The following RELN variants were observed in gnomAD, a reference collection of about 807,000 sequenced individuals.
The protein encoded by RELN is reelin.
In RELN, 108 loss-of-function variants were observed where a neutral mutation model predicts 427.6. The observed-to-expected ratio is 0.25, with a 90% confidence interval of 0.22 to 0.30. The LOEUF (loss-of-function observed/expected upper bound fraction) is 0.30, where lower values mean the gene tolerates loss of function less well. Ranked by LOEUF, RELN falls within the 10% of genes least tolerant of loss-of-function variation. RELN has a pLI of 1.00. For missense variants in RELN, 3,715 were observed against 4,302.8 expected (o/e 0.86, Z 3.82); for synonymous variants, 1,524 against 1,513.4 (o/e 1.01, Z -0.16).
intron 49 of RELN, among the ~76,000 whole-genome samples, chr7:103,516,824 T>C (rs1404406452): frequency 6.6e-6 from 1 of 152,116 alleles, no homozygotes; most frequent in African/African-American, 2.4e-5. Context: ...TTATTTTTCC[T>C]TCCTTTTTTT....
intron 8 of RELN, among the ~76,000 whole-genome samples, chr7:103,711,465 T>G (rs1789795624): frequency 6.6e-6 from 1 of 152,180 alleles, no homozygotes; most frequent in Non-Finnish European, 1.5e-5. Flanking sequence ...TCCACTTTGC[T>G]TAGCACGGCA....
At position 103,765,867 on chromosome 7, in the gene RELN, G is replaced by T. The variant is rs557475088; in HGVS notation, c.544+10690C>A. Among the ~76,000 whole-genome samples the T allele has an allele frequency of 3.8e-3, 584 of 152,274 alleles. 6 individuals are homozygous for T. The highest frequency in any genetic ancestry group is 0.013 in the African/African-American group (524 of 41,540). On this transcript the variant is annotated intron_variant, in intron 4 of 64. Coordinates refer to ENST00000428762, the MANE Select transcript of RELN (RefSeq NM_005045.4). ...GGGAATGTATATAGCCCTCAGCACT[G>T]AAAAAGAAGGCTGTTTAAATCTATG...
chr7:103,650,716 C>G (rs1037729222), intron 15 of RELN, among the ~76,000 whole-genome samples: 1 of 152,088 alleles, frequency 6.6e-6, no homozygotes, highest in South Asian at 2.1e-4. Flanking sequence ...GCCTCAAAAT[C>G]CTGGGCTCAA....
At chr7:103,630,351 C>T (rs1205734038) in intron 19 of RELN, among the ~76,000 whole-genome samples, 175 bp from the exon 20 acceptor site, 1 of 152,122 alleles carries the variant, frequency 6.6e-6, no homozygotes, top group Non-Finnish European at 1.5e-5. Context: ...GTCTTCCACA[C>T]ACACCCCAAA....
chr7:103,595,040 T>G (rs1210537132), intron 25 of RELN, among the ~76,000 whole-genome samples: 1 of 152,182 alleles, frequency 6.6e-6, no homozygotes, highest in South Asian at 2.1e-4. Context: ...ATTTTAAAAC[T>G]TAACATTACA....
At chr7:103,658,134 A>G (rs574641842) in intron 12 of RELN, among the ~76,000 whole-genome samples, 1 of 152,270 alleles carries the variant, frequency 6.6e-6, no homozygotes, top group East Asian at 1.9e-4. Context: ...TCTGGTTCTA[A>G]GAACAGTGCT....
chr7:103,551,094 A>G lies in RELN; in HGVS notation c.6275T>C (p.Val2092Ala). Residue 2092 changes from valine (V) to alanine (A), a missense_variant, in exon 41 of 65, where the codon GTG becomes GCG. Coordinates refer to ENST00000428762, the MANE Select transcript of RELN (RefSeq NM_005045.4). ...ACAAAGGTGCAGCTTCCCAAAGTGC[A>G]CGACCTCCCTCCTCCAGCCCTGCAT... ...GTMQGWRREV[V>A]HFGKLHLCGS... 1 of 1,613,762 alleles carries G rather than the reference A, an allele frequency of 6.2e-7. No homozygotes were observed. Among genetic ancestry groups the G allele is most frequent in the Non-Finnish European group, 8.5e-7 (1 of 1,180,010 alleles).
In RELN at chr7:103,824,696, T is replaced by C. The variant is rs1477690418; in HGVS notation, c.473+8841A>G. On this transcript the variant is annotated intron_variant, in intron 3 of 64. Transcript: ENST00000428762. This position sits in a 1 kb window ranked among gnomAD's most constrained non-coding sequence, Gnocchi z 4.4. ...TGTGTTTGCTTCATTTTAGCTAGAG[T>C]TGCTATTTTATTTCAGTGGGAAGAA... Among the ~76,000 whole-genome samples, 1 of 146,610 alleles carries C rather than the reference T, an allele frequency of 6.8e-6. No homozygotes were observed.
intron 10 of RELN, among the ~76,000 whole-genome samples, chr7:103,690,719 G>A (rs1418844147): frequency 1.3e-5 from 2 of 152,246 alleles, no homozygotes; most frequent in Non-Finnish European, 1.5e-5. Context: ...GGGAGATTAC[G>A]AATGAGGGTG....
chr7:103,754,263 A>G (rs1296179780), intron 4 of RELN, among the ~76,000 whole-genome samples: 1 of 152,168 alleles, frequency 6.6e-6, no homozygotes, highest in East Asian at 1.9e-4. Context: ...GTGTTAATAA[A>G]ATACACTATT....
At chr7:103,757,573 A>C (rs1019911578) in intron 4 of RELN, among the ~76,000 whole-genome samples, 14 of 152,212 alleles carry the variant, frequency 9.2e-5, no homozygotes, top group African/African-American at 3.4e-4. Flanking sequence ...ATGAGAAAAA[A>C]CAGAAATGTT....
chr7:103,922,191 T>C (rs958211356), intron 1 of RELN, among the ~76,000 whole-genome samples: 3 of 152,022 alleles, frequency 2.0e-5, no homozygotes, highest in Non-Finnish European at 4.4e-5. Flanking sequence ...ACATGAAAAA[T>C]AAGTTTCCTC....
At chr7:103,484,923 G>C (rs921496813) in intron 61 of RELN, among the ~76,000 whole-genome samples, 2 of 152,134 alleles carry the variant, frequency 1.3e-5, no homozygotes, top group African/African-American at 4.8e-5. Flanking sequence ...GAGTTAGGAC[G>C]TGCAGGTTCT....
At chr7:103,850,290 C>T (rs201482482) in intron 2 of RELN, among the ~76,000 whole-genome samples, 1 of 152,176 alleles carries the variant, frequency 6.6e-6, no homozygotes, top group Non-Finnish European at 1.5e-5. Flanking sequence ...GTGGAAGTGG[C>T]AAAGGGAGAC....
At chr7:103,872,148 G>A (rs1396273037) in intron 2 of RELN, among the ~76,000 whole-genome samples, 2 of 135,570 alleles carry the variant, frequency 1.5e-5, no homozygotes, top group Non-Finnish European at 3.2e-5. Context: ...GTGCCATGCT[G>A]GTGCGCTGCA....
chr7:103,551,938 G>GGTGT (rs34506983), intron 40 of RELN, among the ~76,000 whole-genome samples: 21 of 144,830 alleles, frequency 1.4e-4, no homozygotes, highest in Admixed American at 8.0e-4. Flanking sequence ...TGTGTGTGTG[G>GGTGT]GTGTGTGTGT....
chr7:103,586,413 C>T (rs2535778), intron 28 of RELN, among the ~76,000 whole-genome samples: 109,675 of 151,948 alleles, frequency 0.72, 39,740 homozygotes, highest in African/African-American at 0.76. Flanking sequence ...GACAAACCCA[C>T]AGCCAACATT....
At chr7:103,748,714 T>G (rs918586191) in intron 6 of RELN, among the ~76,000 whole-genome samples, 1 of 152,260 alleles carries the variant, frequency 6.6e-6, no homozygotes, top group Admixed American at 6.5e-5. Flanking sequence ...AGTATTACAT[T>G]ACTTGAACTT....
At chr7:103,531,868 C>G (rs545360989) in intron 46 of RELN, among the ~76,000 whole-genome samples, 1 of 152,184 alleles carries the variant, frequency 6.6e-6, no homozygotes, top group Non-Finnish European at 1.5e-5. Context: ...TTAGTTCAAC[C>G]ATTGTGGAAG....
Sources: allele counts gnomAD v4.1 joint callset (sites outside exome capture counted in the v4.1 genomes callset), GRCh38; gene constraint gnomAD v4.1.1; non-coding constraint Gnocchi (gnomAD v3.1); transcripts MANE v1.5; gene names NCBI Gene and HGNC (gene_info 2026-07-23, HGNC 2026-07-21).